Variants in TXNRD3 observed in about 807,000 individuals in gnomAD.
TXNRD3 encodes the protein TXNRD3 neighbor gene protein.
TXNRD3 carries 68 observed loss-of-function variants against 78.2 expected under a neutral mutation model. That is an observed-to-expected ratio of 0.87 (90% CI 0.72 to 1.06). The LOEUF (loss-of-function observed/expected upper bound fraction) is 1.06. Ranked by LOEUF, TXNRD3 falls within the 50% of genes least tolerant of loss-of-function variation. The probability of loss-of-function intolerance (pLI) is 0.00; values close to 1 mark genes in which losing one functional copy is unlikely to be tolerated. For missense variants in TXNRD3, 751 were observed against 809.5 expected (o/e 0.93, Z 0.88); for synonymous variants, 296 against 300.1 (o/e 0.99, Z 0.14).
Position 126,634,010 on chromosome 3 carries a change from G to A in TXNRD3, c.754C>T (p.His252Tyr). 1 of 1,524,942 alleles carries A rather than the reference G, an allele frequency of 6.6e-7. No homozygotes were observed. The highest frequency in any genetic ancestry group is 2.5e-5 in the East Asian group (1 of 40,746). The allele number at this position is 1,524,942 out of a possible 1,614,324, so 94.5% of individuals were successfully genotyped here. A position where few individuals can be genotyped will look rare whatever the true frequency, so the allele number is the denominator to read the frequency against. Residue 252 changes from histidine (H) to tyrosine (Y), a missense_variant, in exon 7 of 16, where the codon CAC becomes TAC. Transcript: ENST00000524230. ...TAGCCCCAGTTTAGAGAGCTGATGTGGTTCTGAATCGCTTTTGTCATTGTC... is the reference window on the plus strand; with the variant it reads ...TAGCCCCAGTTTAGAGAGCTGATGTAGTTCTGAATCGCTTTTGTCATTGTC...
intron 13 of TXNRD3, among the ~76,000 whole-genome samples, chr3:126,613,933 T>C (rs1384915222): frequency 6.6e-6 from 1 of 152,236 alleles, no homozygotes. Context: ...CTTCAGGAGG[T>C]ATCCAGAAGA....
At chr3:126,650,699 CAATG>C (rs1933368475) in intron 1 of TXNRD3, among the ~76,000 whole-genome samples, 2 of 151,970 alleles carry the variant, frequency 1.3e-5, no homozygotes, top group East Asian at 3.8e-4. Context: ...AGCCATTTTC[CAATG>C]AATCTTCCTG....
intron 7 of TXNRD3, among the ~76,000 whole-genome samples, chr3:126,633,045 TTTTAAAGGGC>T (rs1938760520): frequency 6.6e-6 from 1 of 152,190 alleles, no homozygotes; most frequent in Non-Finnish European, 1.5e-5. Context: ...CCATGTAAGG[TTTTAAAGGGC>T]TGACTTTATC....
chr3:126,608,088 T>C (rs953964321), intron 15 of TXNRD3, 115 bp from the exon 16 acceptor site: 9 of 767,148 alleles, frequency 1.2e-5, no homozygotes, highest in Non-Finnish European at 1.7e-5. Context: ...TGGCCAGGCA[T>C]GGTGGCTCAT....
chr3:126,607,454 G>C lies in TXNRD3; in HGVS notation c.*451C>G, dbSNP rs1325038738. The C allele has an allele frequency of 6.6e-6, 1 of 152,538 alleles. No homozygotes were observed. The highest frequency in any genetic ancestry group is 2.4e-5 in the African/African-American group (1 of 41,472). The allele number at this position is 152,538 out of a possible 1,614,324, so 9.4% of individuals were successfully genotyped here. ...AGACACTGTTCACCAGTGAGCATGT[G>C]TGAATTCTAGGCCCACGCACTAGAA... On this transcript the variant is annotated 3_prime_UTR_variant, in exon 16 of 16. Transcript: ENST00000524230.
intron 5 of TXNRD3, among the ~76,000 whole-genome samples, 159 bp downstream of exon 5, chr3:126,643,822 A>G (rs1039241234): frequency 2.6e-5 from 4 of 152,122 alleles, no homozygotes; most frequent in African/African-American, 9.7e-5. Flanking sequence ...CTGGGATTTC[A>G]GGCATGAGCC....
intron 3 of TXNRD3, among the ~76,000 whole-genome samples, chr3:126,645,183 G>C (rs576358699): frequency 6.6e-6 from 1 of 152,316 alleles, no homozygotes; most frequent in Non-Finnish European, 1.5e-5. Context: ...GAAGGTTTTA[G>C]GGACATTCTA....
rs1055564226 is a variant in TXNRD3, at chr3:126,607,096, G to A, written c.*809C>T. On this transcript the variant is annotated 3_prime_UTR_variant, in exon 16 of 16. Coordinates refer to ENST00000524230, the MANE Select transcript of TXNRD3 (RefSeq NM_052883.3). ...ACTTTATCATCATTAAACAGACTGTGATGGAATTATTTCACAGATAAATTA... is the reference window on the plus strand; with the variant it reads ...ACTTTATCATCATTAAACAGACTGTAATGGAATTATTTCACAGATAAATTA... 4 of 152,126 alleles carry A rather than the reference G, an allele frequency of 2.6e-5. No homozygotes were observed. Among genetic ancestry groups the A allele is most frequent in the African/African-American group, 9.7e-5 (4 of 41,426 alleles). 9.4% of individuals were successfully genotyped at this position (152,126 alleles called of 1,614,324 possible).
intron 7 of TXNRD3, among the ~76,000 whole-genome samples, chr3:126,632,299 G>C (rs1197251663): frequency 6.6e-6 from 1 of 152,122 alleles, no homozygotes; most frequent in Non-Finnish European, 1.5e-5. Context: ...CAAGTGCGAA[G>C]GCCCTTATGT....
intron 1 of TXNRD3, among the ~76,000 whole-genome samples, chr3:126,652,562 T>A (rs1933415362): frequency 6.6e-6 from 1 of 152,234 alleles, no homozygotes; most frequent in Non-Finnish European, 1.5e-5. Context: ...CACTGTCAAG[T>A]GGAGTTTGCA....
Position 126,655,124 on chromosome 3 carries a change from C to G in TXNRD3, c.-134G>C. The G allele has an allele frequency of 7.8e-7, 1 of 1,286,676 alleles. No individual in the cohort carries two copies. Among genetic ancestry groups the G allele is most frequent in the Non-Finnish European group, 9.9e-7 (1 of 1,015,138 alleles). The allele number at this position is 1,286,676 out of a possible 1,614,324, so 79.7% of individuals were successfully genotyped here. A position where few individuals can be genotyped will look rare whatever the true frequency, so the allele number is the denominator to read the frequency against. The stretch of plus-strand genomic sequence containing the variant: ...CACTCTCACCACCCGCGCGAATCCG[C>G]GAGGCAGCCGCTCGCCCCGCCCCCC... On this transcript the variant is annotated 5_prime_UTR_variant, in exon 1 of 16. Transcript: ENST00000524230.
At position 126,640,161 on chromosome 3, in the gene TXNRD3, G is replaced by A. The variant is rs1319698858; in HGVS notation, c.712+1871C>T. 4.9e-3 allele frequency among the ~76,000 whole-genome samples: 34 copies of A among 7,006 alleles called. 9 individuals carry two copies. The highest frequency in any genetic ancestry group is 0.01 in the Admixed American group (3 of 288). The allele number at this position is 7,006 out of a possible 152,430, so 4.6% of individuals were successfully genotyped here. A position where few individuals can be genotyped will look rare whatever the true frequency, so the allele number is the denominator to read the frequency against. On this transcript the variant is annotated intron_variant, in intron 6 of 15. Transcript: ENST00000524230. ...GCTCTGTCGCCCAGGCTGGAGTGCA[G>A]TGGCGCGATCTCGGCTCACTGCAAG...
At chr3:126,635,742 T>C (rs1938844140) in intron 6 of TXNRD3, among the ~76,000 whole-genome samples, 1 of 152,196 alleles carries the variant, frequency 6.6e-6, no homozygotes, top group Non-Finnish European at 1.5e-5. Context: ...TTATATTCTT[T>C]CCTTATATAT....
intron 10 of TXNRD3, among the ~76,000 whole-genome samples, chr3:126,629,043 T>A (rs1938646528): frequency 6.6e-6 from 1 of 152,130 alleles, no homozygotes; most frequent in African/African-American, 2.4e-5. Context: ...GCTTTGTTGT[T>A]GTTTTTCATT....
At chr3:126,645,117 C>T (rs1262639711) in intron 3 of TXNRD3, among the ~76,000 whole-genome samples, 1 of 152,190 alleles carries the variant, frequency 6.6e-6, no homozygotes, top group South Asian at 2.1e-4. Context: ...ACAGATGCTT[C>T]ATAACTACGT....
intron 6 of TXNRD3, among the ~76,000 whole-genome samples, chr3:126,636,925 A>ATTT (rs34611548): frequency 3.5e-5 from 5 of 140,856 alleles, no homozygotes; most frequent in African/African-American, 1.3e-4. Context: ...TTCTTTTGTG[A>ATTT]TTTTTTTTTT....
chr3:126,628,696 C>T (rs1273866520), intron 10 of TXNRD3, among the ~76,000 whole-genome samples: 2 of 151,888 alleles, frequency 1.3e-5, no homozygotes, highest in African/African-American at 4.8e-5. Context: ...ATAGATATAC[C>T]ATGTTCATGG....
In TXNRD3 at chr3:126,630,802, G is replaced by A; in HGVS notation, c.1107C>T (p.Leu369=). 6.5e-7 allele frequency: 1 copy of A among 1,535,346 alleles called. No individual in the cohort carries two copies. The highest frequency in any genetic ancestry group is 2.0e-5 in the Admixed American group (1 of 51,002). ...CTGCCATTTCTTGGTCGAAGCCACGGAGAAGGATTGAGCGTACCATAACTG... is the reference window on the plus strand; with the variant it reads ...CTGCCATTTCTTGGTCGAAGCCACGAAGAAGGATTGAGCGTACCATAACTG... Residue 369 remains leucine (L), a synonymous_variant, in exon 9 of 16, where the codon CTC becomes CTT. Coordinates refer to ENST00000524230, the MANE Select transcript of TXNRD3 (RefSeq NM_052883.3).
At position 126,653,021 on chromosome 3, in the gene TXNRD3, A is replaced by G. The variant is rs536443819; in HGVS notation, c.243+1727T>C. On this transcript the variant is annotated intron_variant, in intron 1 of 15. Transcript: ENST00000524230. Reference sequence around the variant, plus strand: ...TTTCACCCACCACCATTAGAACCCAACCTCTCCTGACTCACCAGAAATTGG... The same window carrying G: ...TTTCACCCACCACCATTAGAACCCAGCCTCTCCTGACTCACCAGAAATTGG... 3.3e-5 allele frequency among the ~76,000 whole-genome samples: 5 copies of G among 151,900 alleles called. No individual in the cohort carries two copies. The South Asian group carries it at 1.0e-3, about 32-fold the overall frequency.
Sources: gnomAD v4.1 joint callset for allele counts (sites outside exome capture counted in the v4.1 genomes callset) on GRCh38, gnomAD v4.1.1 for gene constraint, MANE v1.5 for transcripts, NCBI Gene and HGNC (gene_info 2026-07-23, HGNC 2026-07-21) for gene names.